Variants in SPPL2B observed in about 807,000 individuals in gnomAD.
SPPL2B encodes the protein signal peptide peptidase like 2B, also known as signal peptide peptidase-like 2B.
A neutral mutation model predicts 59.7 loss-of-function variants in SPPL2B; 39 were observed. The ratio of observed to expected loss-of-function variants is 0.65; its 90% CI spans 0.51 to 0.85. SPPL2B has a LOEUF of 0.85. Among genes scored for constraint, SPPL2B ranks in the 40% least tolerant of loss-of-function variants. The pLI is 0.00. For synonymous variants in SPPL2B, 419 were observed against 370.8 expected (o/e 1.13, Z -1.49); for missense variants, 865 against 849.0 (o/e 1.02, Z -0.23).
At chr19:2,329,038 C>T (rs907830756) in intron 1 of SPPL2B, among the ~76,000 whole-genome samples, 6 of 152,242 alleles carry the variant, frequency 3.9e-5, no homozygotes, top group East Asian at 1.9e-4. Context: ...AAATTTGTGC[C>T]CCCTCCATCC....
chr19:2,338,448 C>A, intron 3 of SPPL2B: 1 of 275,364 alleles, frequency 3.6e-6, no homozygotes. Flanking sequence ...TGGGCTGTGA[C>A]AAGTATCACT....
At chr19:2,350,994 T>C (rs1490121245) in intron 13 of SPPL2B, among the ~76,000 whole-genome samples, 1 of 152,234 alleles carries the variant, frequency 6.6e-6, no homozygotes, top group Non-Finnish European at 1.5e-5. Context: ...CCTGAGAACA[T>C]AGTTTATATG....
chr19:2,348,194 T>C (rs1156295353), intron 13 of SPPL2B, among the ~76,000 whole-genome samples: 1 of 113,612 alleles, frequency 8.8e-6, no homozygotes, highest in African/African-American at 3.7e-5. Flanking sequence ...ATTCGCTTGA[T>C]TCCGTTCTCT....
chr19:2,343,292 G>A lies in SPPL2B; in HGVS notation c.1038G>A (p.Lys346=). The change falls in exon 9 of 15, where the codon AAG becomes AAA. Residue 346 remains lysine (K), a splice_region_variant and synonymous_variant. Transcript: ENST00000613503. ...MLKTIRLPTF[K]ACTLLLLVLF... ...AGACCATCCGTCTGCCCACCTTCAA[G>A]GTGAGTGCAGGGAGGGCACGGCTGC... The A allele has an allele frequency of 1.3e-6, 2 of 1,552,210 alleles. No individual in the cohort carries two copies. Among genetic ancestry groups the A allele is most frequent in the African/African-American group, 2.7e-5 (2 of 73,268 alleles).
At chr19:2,336,316 A>G (rs1968610476) in intron 2 of SPPL2B, among the ~76,000 whole-genome samples, 1 of 151,400 alleles carries the variant, frequency 6.6e-6, no homozygotes, top group African/African-American at 2.4e-5. Flanking sequence ...GTAAGCATGT[A>G]GCTACATAAT....
At position 2,354,515 on chromosome 19, in the gene SPPL2B, G is replaced by A. The variant is rs1255589143; in HGVS notation, c.*1306G>A. 2 of 152,306 alleles carry A rather than the reference G, an allele frequency of 1.3e-5. No individual in the cohort carries two copies. The highest frequency in any genetic ancestry group is 4.8e-5 in the African/African-American group (2 of 41,454). 9.4% of individuals were successfully genotyped at this position (152,306 alleles called of 1,614,324 possible). The stretch of plus-strand genomic sequence containing the variant: ...GTTTCTGTCAAGTCAGTCGTCCCCA[G>A]CTGCACACGGGGACTGCTGAGCGCT... On this transcript the variant is annotated 3_prime_UTR_variant, in exon 15 of 15. Coordinates refer to ENST00000613503, the MANE Select transcript of SPPL2B (RefSeq NM_152988.3).
chr19:2,335,692 C>T (rs1226395604), intron 2 of SPPL2B, among the ~76,000 whole-genome samples: 1 of 146,688 alleles, frequency 6.8e-6, no homozygotes, highest in Non-Finnish European at 1.5e-5. Context: ...CACCGTATCC[C>T]TCAGGCCCTC....
chr19:2,346,830 A>T (rs1473794117), intron 13 of SPPL2B, among the ~76,000 whole-genome samples: 1 of 152,198 alleles, frequency 6.6e-6, no homozygotes, highest in Non-Finnish European at 1.5e-5. Flanking sequence ...GCGTCTGTTG[A>T]TGATGGCTGA....
At chr19:2,338,490 C>T (rs997301383) in intron 3 of SPPL2B, 117 of 423,722 alleles carry the variant, frequency 2.8e-4, no homozygotes, top group African/African-American at 1.8e-3. Context: ...GGGAGTCCCA[C>T]GGCCGAGGGA....
In SPPL2B at chr19:2,334,682, C is replaced by T. The variant is rs779134297; in HGVS notation, c.147C>T (p.Asn49=). 79 of 1,612,410 alleles carry T rather than the reference C, an allele frequency of 4.9e-5. No homozygotes were observed. The South Asian group carries it at 7.3e-4, about 15-fold the overall frequency. The change falls in exon 2 of 15, where the codon AAC becomes AAT. Residue 49 remains asparagine (N), a synonymous_variant. Coordinates refer to ENST00000613503, the MANE Select transcript of SPPL2B (RefSeq NM_152988.3). The part of the protein sequence containing the change: ...PEGKDYCILY[N]PQWAHLPHDL... ...GCAAAGACTACTGCATCCTCTACAA[C>T]CCGCAGTGGGCCCATCTTCCGCACG...
intron 8 of SPPL2B, chr19:2,342,912 C>T (rs1356459828): frequency 7.6e-6 from 3 of 396,144 alleles, no homozygotes; most frequent in South Asian, 5.6e-5. Context: ...GGACAGCGAC[C>T]GAGGAGACGC....
chr19:2,341,564 G>C (rs781466637), intron 8 of SPPL2B: 1 of 454,336 alleles, frequency 2.2e-6, no homozygotes, highest in Non-Finnish European at 4.4e-6. Context: ...CGTGTTGGGA[G>C]GACAGAGCTG....
chr19:2,336,877 G>T (rs932122057), intron 2 of SPPL2B, among the ~76,000 whole-genome samples: 1 of 148,986 alleles, frequency 6.7e-6, no homozygotes, highest in African/African-American at 2.5e-5. Flanking sequence ...GGGTGTGTGC[G>T]TGTGCACTGG....
intron 13 of SPPL2B, 84 bp downstream of exon 13, chr19:2,345,414 A>C (rs1969309002): frequency 9.5e-7 from 1 of 1,054,092 alleles, no homozygotes; most frequent in East Asian, 2.4e-5. Context: ...CTGACCCCTA[A>C]CCCCAACCCC....
At position 2,345,294 on chromosome 19, in the gene SPPL2B, C is replaced by T; in HGVS notation, c.1318C>T (p.Gln440Ter). ...AYCHRFDIQV[Q>*]SSRVYFVACT... Reference sequence around the variant, plus strand: ...CTGCCACAGGTTTGACATCCAGGTACAGTCCTCCAGGGTATACTTCGTGGC... The same window carrying T: ...CTGCCACAGGTTTGACATCCAGGTATAGTCCTCCAGGGTATACTTCGTGGC... The change falls in exon 13 of 15, where the codon CAG becomes TAG. Residue 440 changes from glutamine (Q) to a stop codon, truncating the protein, a stop_gained. Coordinates refer to ENST00000613503, the MANE Select transcript of SPPL2B (RefSeq NM_152988.3). LOFTEE classifies it high-confidence loss of function. 2 of 1,613,224 alleles carry T rather than the reference C, an allele frequency of 1.2e-6. No homozygotes were observed. The highest frequency in any genetic ancestry group is 1.7e-6 in the Non-Finnish European group (2 of 1,179,752).
chr19:2,331,308 T>A (rs1968280841), intron 1 of SPPL2B, among the ~76,000 whole-genome samples: 1 of 152,244 alleles, frequency 6.6e-6, no homozygotes, highest in Non-Finnish European at 1.5e-5. Context: ...CTAAGCCTAG[T>A]AGTTTCTGAA....
At position 2,332,472 on chromosome 19, in the gene SPPL2B, C is replaced by T. The variant is rs1000363423; in HGVS notation, c.67-2130C>T. Among the ~76,000 whole-genome samples, 1 of 152,214 alleles carries T rather than the reference C, an allele frequency of 6.6e-6. No individual in the cohort carries two copies. Among genetic ancestry groups the T allele is most frequent in the Non-Finnish European group, 1.5e-5 (1 of 68,036 alleles). On this transcript the variant is annotated intron_variant, in intron 1 of 14. Transcript: ENST00000613503. The surrounding 1 kb of genome is among the most constrained non-coding windows in gnomAD (Gnocchi z 4.6). ...GTTTTCCCTTGTGGCGTTGTGGTGTCGGCCCGTTTGGTGCGCAGCTCAGCA... is the reference window on the plus strand; with the variant it reads ...GTTTTCCCTTGTGGCGTTGTGGTGTTGGCCCGTTTGGTGCGCAGCTCAGCA...
chr19:2,337,802 TG>T, intron 3 of SPPL2B, 177 bp downstream of exon 3: 1 of 639,926 alleles, frequency 1.6e-6, no homozygotes, highest in Non-Finnish European at 2.6e-6. Flanking sequence ...AGTGTGGCCG[TG>T]GGGAGGGCGG....
Position 2,351,441 on chromosome 19 carries a change from C to T in SPPL2B, c.1362C>T (p.Gly454=), listed in dbSNP as rs558606067. 3.1e-6 allele frequency: 5 copies of T among 1,604,478 alleles called. No homozygotes were observed. Among genetic ancestry groups the T allele is most frequent in the East Asian group, 2.2e-5 (1 of 44,770 alleles). Residue 454 remains glycine, a synonymous_variant, in exon 14 of 15, where the codon GGC becomes GGT. Coordinates refer to ENST00000613503, the MANE Select transcript of SPPL2B (RefSeq NM_152988.3). ...VYFVACTIAY[G]VGLLVTFVAL... ...CCTCCTCTGTCCCCACAGCCTATGG[C>T]GTTGGCCTCCTTGTGACATTCGTGG... is the stretch of plus-strand genomic sequence containing the variant.
Sources: gnomAD v4.1 joint callset for allele counts (sites outside exome capture counted in the v4.1 genomes callset) on GRCh38, gnomAD v4.1.1 for gene constraint, Gnocchi (gnomAD v3.1) non-coding constraint, MANE v1.5 for transcripts, NCBI Gene and HGNC (gene_info 2026-07-23, HGNC 2026-07-21) for gene names.